The following SLC9A9 variants were observed in gnomAD, a reference collection of about 807,000 sequenced individuals.
SLC9A9 encodes the protein sodium/hydrogen exchanger 9.
In SLC9A9, 62 loss-of-function variants were observed where a neutral mutation model predicts 77.8. That is an observed-to-expected ratio of 0.80 (90% CI 0.65 to 0.98). The LOEUF (loss-of-function observed/expected upper bound fraction) is 0.98, where lower values mean the gene tolerates loss of function less well. SLC9A9 is among the 50% of genes least tolerant of loss of function. The pLI is 0.00. For missense variants in SLC9A9, 775 were observed against 774.9 expected, an observed-to-expected ratio of 1.00 and a Z score of 0.00; for synonymous variants, 320 against 283.5, an observed-to-expected ratio of 1.13 and a Z score of -1.29.
chr3:143,685,997 T>C lies in SLC9A9; in HGVS notation c.649+7195A>G, dbSNP rs79304228. ...AGAAACTGATAAAGCCACTCAGCTA[T>C]GTACTAGAAGTCCAGCTATGTGCTA... On this transcript the variant is annotated intron_variant, in intron 5 of 15. Coordinates refer to ENST00000316549, the MANE Select transcript of SLC9A9 (RefSeq NM_173653.4). Among the ~76,000 whole-genome samples, 575 of 152,310 alleles carry C rather than the reference T, an allele frequency of 3.8e-3. 1 individual carries two copies. Among genetic ancestry groups the C allele is most frequent in the Non-Finnish European group, 6.7e-3 (456 of 68,016 alleles).
At chr3:143,481,069 T>G (rs1035332768) in intron 11 of SLC9A9, among the ~76,000 whole-genome samples, 2 of 152,220 alleles carry the variant, frequency 1.3e-5, no homozygotes, top group Non-Finnish European at 2.9e-5. Flanking sequence ...ATATCATTCA[T>G]TCACCTATTT....
intron 4 of SLC9A9, among the ~76,000 whole-genome samples, chr3:143,785,975 G>A (rs1178269700): frequency 6.7e-6 from 1 of 148,224 alleles, no homozygotes; most frequent in African/African-American, 2.5e-5. Flanking sequence ...TCCTGCCTCA[G>A]CCTCCCATGT....
intron 5 of SLC9A9, among the ~76,000 whole-genome samples, chr3:143,664,459 G>A (rs1323764568): frequency 6.6e-6 from 1 of 152,132 alleles, no homozygotes; most frequent in Non-Finnish European, 1.5e-5. Context: ...ATACTGACAG[G>A]ACCAAATTCA....
intron 3 of SLC9A9, among the ~76,000 whole-genome samples, chr3:143,795,812 G>C (rs535355769): frequency 9.2e-5 from 14 of 152,266 alleles, no homozygotes; most frequent in African/African-American, 3.4e-4. Flanking sequence ...GCTTAGTATT[G>C]GGACTGGCAA....
intron 14 of SLC9A9, among the ~76,000 whole-genome samples, chr3:143,283,075 C>T (rs28494996): frequency 0.015 from 2,283 of 152,304 alleles, 53 homozygotes; most frequent in African/African-American, 0.051. Context: ...AGTCTCTTTC[C>T]TCTTTGTTTC....
intron 2 of SLC9A9, among the ~76,000 whole-genome samples, chr3:143,801,604 G>A (rs938154174): frequency 8.5e-5 from 13 of 152,140 alleles, no homozygotes; most frequent in Admixed American, 2.0e-4. Flanking sequence ...ATTTCCCCAT[G>A]TTTCCTTCTT....
At chr3:143,730,047 A>C (rs1184868059) in intron 4 of SLC9A9, among the ~76,000 whole-genome samples, 1 of 152,234 alleles carries the variant, frequency 6.6e-6, no homozygotes, top group Non-Finnish European at 1.5e-5. Flanking sequence ...TCCAAACCAT[A>C]TCACACAAAT....
At position 143,533,436 on chromosome 3, in the gene SLC9A9, T is replaced by A. The variant is rs149266894; in HGVS notation, c.1089+18926A>T. Among the ~76,000 whole-genome samples, 473 of 152,260 alleles carry A rather than the reference T, an allele frequency of 3.1e-3. 2 individuals carry two copies. The highest frequency in any genetic ancestry group is 9.6e-3 in the African/African-American group (400 of 41,550). On this transcript the variant is annotated intron_variant, in intron 9 of 15. Coordinates refer to ENST00000316549, the MANE Select transcript of SLC9A9 (RefSeq NM_173653.4). ...GACTTCTGGTAGGCATTAGGCCAGGTATTAATAATTCCAGAAGTCATAGAT... is the reference window on the plus strand; with the variant it reads ...GACTTCTGGTAGGCATTAGGCCAGGAATTAATAATTCCAGAAGTCATAGAT...
At chr3:143,572,254 G>A (rs2037273903) in intron 8 of SLC9A9, among the ~76,000 whole-genome samples, 2 of 152,026 alleles carry the variant, frequency 1.3e-5, no homozygotes, top group South Asian at 4.2e-4. Flanking sequence ...AATGGACAAG[G>A]AAATAGACAA....
chr3:143,266,205 C>A lies in SLC9A9; in HGVS notation c.*497G>T. On this transcript the variant is annotated 3_prime_UTR_variant, in exon 16 of 16. Transcript: ENST00000316549. Reference sequence around the variant, plus strand: ...GGCTCTGCCCTGGGGTCACTGAGAGCAAATGGGAGTCAAGTCCTCAAAATA... The same window carrying A: ...GGCTCTGCCCTGGGGTCACTGAGAGAAAATGGGAGTCAAGTCCTCAAAATA... 1 of 661,246 alleles carries A rather than the reference C, an allele frequency of 1.5e-6. No individual in the cohort carries two copies. The highest frequency in any genetic ancestry group is 2.7e-6 in the Non-Finnish European group (1 of 366,356). 41.0% of individuals were successfully genotyped at this position (661,246 alleles called of 1,614,324 possible). A position where few individuals can be genotyped will look rare whatever the true frequency, so the allele number is the denominator to read the frequency against.
intron 8 of SLC9A9, among the ~76,000 whole-genome samples, chr3:143,554,290 TG>T: frequency 1.3e-5 from 2 of 152,316 alleles, no homozygotes; most frequent in East Asian, 3.9e-4. Context: ...TTTACTGCAG[TG>T]AGTTACTATC....
chr3:143,723,368 G>A (rs1237780732), intron 4 of SLC9A9, among the ~76,000 whole-genome samples: 2 of 152,152 alleles, frequency 1.3e-5, no homozygotes, highest in Non-Finnish European at 1.5e-5. Context: ...CGGTTTTCCT[G>A]GGTGGAGGGA....
intron 14 of SLC9A9, among the ~76,000 whole-genome samples, chr3:143,271,287 G>GT (rs1285658389): frequency 6.6e-6 from 1 of 152,168 alleles, no homozygotes; most frequent in Non-Finnish European, 1.5e-5. Context: ...AAACTGAACA[G>GT]TATCACTTGG....
intron 2 of SLC9A9, among the ~76,000 whole-genome samples, chr3:143,798,873 C>A (rs1365112546): frequency 6.6e-6 from 1 of 152,120 alleles, no homozygotes; most frequent in African/African-American, 2.4e-5. Context: ...GTTGCTCAGT[C>A]TTTCCAATTT....
chr3:143,339,130 G>T (rs1419781575), intron 14 of SLC9A9, among the ~76,000 whole-genome samples: 3 of 152,086 alleles, frequency 2.0e-5, no homozygotes, highest in Non-Finnish European at 4.4e-5. Flanking sequence ...ATGGAATTTT[G>T]GTTTCTTTGT....
chr3:143,832,782 T>A (rs1405191605), intron 1 of SLC9A9, among the ~76,000 whole-genome samples: 1 of 151,564 alleles, frequency 6.6e-6, no homozygotes, highest in Non-Finnish European at 1.5e-5. Context: ...GCAGCCAATA[T>A]ACTGAGGAGG....
At position 143,709,379 on chromosome 3, in the gene SLC9A9, G is replaced by A. The variant is rs59581279; in HGVS notation, c.534-16072C>T. On this transcript the variant is annotated intron_variant, in intron 4 of 15. Coordinates refer to ENST00000316549, the MANE Select transcript of SLC9A9 (RefSeq NM_173653.4). ...AATTAATACCCCTGGGGACTCTAAA[G>A]TCCAGACTAAGCACCTGGGGATCAG... 8.9e-3 allele frequency among the ~76,000 whole-genome samples: 1,361 copies of A among 152,180 alleles called. 19 individuals carry two copies. Among genetic ancestry groups the A allele is most frequent in the African/African-American group, 0.032 (1,319 of 41,514 alleles).
At chr3:143,745,491 C>G (rs547080139) in intron 4 of SLC9A9, among the ~76,000 whole-genome samples, 1 of 152,202 alleles carries the variant, frequency 6.6e-6, no homozygotes, top group Non-Finnish European at 1.5e-5. Context: ...CTGGAAAGAA[C>G]AGAACACTAA....
intron 14 of SLC9A9, among the ~76,000 whole-genome samples, chr3:143,273,834 T>C (rs1188703823): frequency 6.6e-6 from 1 of 152,264 alleles, no homozygotes; most frequent in Non-Finnish European, 1.5e-5. Flanking sequence ...CCCAGGTGAC[T>C]GATCAAGTGA....
Sources: gnomAD v4.1 joint callset for allele counts (sites outside exome capture counted in the v4.1 genomes callset) on GRCh38, gnomAD v4.1.1 for gene constraint, MANE v1.5 for transcripts, NCBI Gene and HGNC (gene_info 2026-07-23, HGNC 2026-07-21) for gene names.